Variants in LRRK2 observed in about 807,000 individuals in gnomAD.
LRRK2 encodes the protein leucine-rich repeat serine/threonine-protein kinase 2.
In LRRK2, 203 loss-of-function variants were observed where a neutral mutation model predicts 302.6. The ratio of observed to expected loss-of-function variants is 0.67; its 90% CI spans 0.60 to 0.75. The LOEUF (loss-of-function observed/expected upper bound fraction) is 0.75. Among genes scored for constraint, LRRK2 ranks in the 30% least tolerant of loss-of-function variants. The probability of loss-of-function intolerance (pLI) is 0.00; values close to 1 mark genes in which losing one functional copy is unlikely to be tolerated. For synonymous variants in LRRK2, 1,066 were observed against 1,031.9 expected (o/e 1.03, Z -0.63); for missense variants, 2,830 against 2,951.0 (o/e 0.96, Z 0.95).
chr12:40,343,770 A>G (rs1946117038), intron 41 of LRRK2, among the ~76,000 whole-genome samples: 3 of 152,206 alleles, frequency 2.0e-5, no homozygotes, highest in South Asian at 2.1e-4. Context: ...TCATTTGGCA[A>G]CAATACATTG....
rs1195615008 is a variant in LRRK2 at position 40,368,826 on chromosome 12, CA to C, written c.*1064del. ...AAAAATATCTGCCACCCTAGGCTTC[CA>C]AATTATACTTAAATTGTTTACATAG... On this transcript the variant is annotated 3_prime_UTR_variant, in exon 51 of 51. Transcript: ENST00000298910. 6.6e-6 allele frequency: 1 copy of C among 151,710 alleles called. No homozygotes were observed. The highest frequency in any genetic ancestry group is 1.5e-5 in the Non-Finnish European group (1 of 67,744). 9.4% of individuals were successfully genotyped at this position (151,710 alleles called of 1,614,324 possible). A position where few individuals can be genotyped will look rare whatever the true frequency, so the allele number is the denominator to read the frequency against.
intron 14 of LRRK2, among the ~76,000 whole-genome samples, chr12:40,273,231 A>C (rs1159369500): frequency 6.6e-6 from 1 of 152,192 alleles, no homozygotes; most frequent in Admixed American, 6.6e-5. Flanking sequence ...CTAACTGAGT[A>C]ATTGTTACTT....
chr12:40,250,367 A>G (rs1212498374), intron 8 of LRRK2, among the ~76,000 whole-genome samples: 3 of 151,900 alleles, frequency 2.0e-5, no homozygotes, highest in African/African-American at 7.3e-5. Flanking sequence ...GCGGGCACCT[A>G]TAATCCCAGC....
intron 11 of LRRK2, 115 bp from the exon 12 acceptor site, chr12:40,257,133 T>A (rs560536519): frequency 1.4e-6 from 1 of 725,580 alleles, no homozygotes; most frequent in Non-Finnish European, 2.3e-6. Context: ...ATAAATTATG[T>A]GTGCTCTTGT....
rs1941547579 is a variant in LRRK2, at chr12:40,237,994, T to C, written c.462T>C (p.Asp154=). 2 of 1,612,662 alleles carry C rather than the reference T, an allele frequency of 1.2e-6. No homozygotes were observed. Among genetic ancestry groups the C allele is most frequent in the Non-Finnish European group, 1.7e-6 (2 of 1,179,008 alleles). ...GTAAAATCACCTTGCTGATATTGGA[T>C]GAAGAAAGTGATATTTTCATGTTAA... ...TSGKITLLIL[D]EESDIFMLIF... The change falls in exon 5 of 51, where the codon GAT becomes GAC. Residue 154 remains aspartate, a synonymous_variant. Transcript: ENST00000298910.
intron 20 of LRRK2, among the ~76,000 whole-genome samples, chr12:40,288,090 G>A (rs1161617179): frequency 4.6e-5 from 7 of 151,794 alleles, no homozygotes; most frequent in African/African-American, 9.7e-5. Context: ...TTTAGCATTA[G>A]CAGTTTGGTA....
chr12:40,257,592 G>A lies in LRRK2; in HGVS notation c.1418+215G>A, dbSNP rs188528279. On this transcript the variant is annotated intron_variant, in intron 12 of 50. Coordinates refer to ENST00000298910, the MANE Select transcript of LRRK2 (RefSeq NM_198578.4). ...GGCAAGATTGTGGAAACATGTTGAAGGTTTGCTTTTGAACCTGATGCTTGA... is the reference window on the plus strand; with the variant it reads ...GGCAAGATTGTGGAAACATGTTGAAAGTTTGCTTTTGAACCTGATGCTTGA... Among the ~76,000 whole-genome samples the A allele has an allele frequency of 4.7e-4, 72 of 152,270 alleles. 2 individuals carry two copies. The highest frequency in any genetic ancestry group is 4.6e-3 in the Admixed American group (70 of 15,278).
Position 40,354,451 on chromosome 12 carries a change from T to G in LRRK2, c.6729T>G (p.Asp2243Glu). 6.2e-7 allele frequency: 1 copy of G among 1,614,166 alleles called. No homozygotes were observed. The highest frequency in any genetic ancestry group is 8.5e-7 in the Non-Finnish European group (1 of 1,180,008). Reference protein sequence around the residue: ...KKRHTLEKMTDSVTCLYCNSF... With the variant: ...KKRHTLEKMTESVTCLYCNSF... ...GACATACCCTAGAAAAGATGACTGA[T>G]TCTGTCACTTGTTTGTATTGCAATT... Residue 2243 changes from aspartate to glutamate, a missense_variant, in exon 45 of 51, where the codon GAT becomes GAG. Physicochemically the swap from Asp to Glu is conservative, Grantham distance 45. Around this residue, in one of 3 missense-constraint regions of LRRK2, gnomAD observed 456 missense variants for 456.3 expected, o/e 1.00. Transcript: ENST00000298910.
At chr12:40,300,680 C>A in intron 25 of LRRK2, 1 of 411,082 alleles carries the variant, frequency 2.4e-6, no homozygotes, top group Non-Finnish European at 5.0e-6. Flanking sequence ...TGTTGACTCA[C>A]TCACTAGTAA....
intron 43 of LRRK2, 45 bp downstream of exon 43, chr12:40,348,554 CATATATGCATATAT>C: frequency 9.1e-7 from 1 of 1,097,258 alleles, no homozygotes; most frequent in Non-Finnish European, 1.4e-6. Flanking sequence ...ACATCATTTG[CATATATGCATATAT>C]ATATAATCTT....
intron 20 of LRRK2, among the ~76,000 whole-genome samples, chr12:40,289,571 A>G: frequency 6.7e-6 from 1 of 149,404 alleles, no homozygotes; most frequent in South Asian, 2.1e-4. Flanking sequence ...GATTATATCT[A>G]TAAATTAATT....
chr12:40,257,973 A>T (rs1433873746), intron 12 of LRRK2, among the ~76,000 whole-genome samples: 4 of 152,062 alleles, frequency 2.6e-5, no homozygotes, highest in Non-Finnish European at 2.9e-5. Context: ...CAGAACTCTC[A>T]TGTGTAAAAA....
chr12:40,314,218 C>T (rs2136849432), intron 32 of LRRK2, 45 bp downstream of exon 32: 4 of 1,549,306 alleles, frequency 2.6e-6, no homozygotes, highest in Non-Finnish European at 2.7e-6. Context: ...GCTGTAGTAA[C>T]TTATAAAAGT....
intron 18 of LRRK2, among the ~76,000 whole-genome samples, chr12:40,282,153 T>C (rs1565709608): frequency 1.5e-5 from 2 of 129,376 alleles, no homozygotes; most frequent in East Asian, 2.8e-4. Context: ...CCTTCTCCTT[T>C]CTCTTCCCCT....
intron 6 of LRRK2, 61 bp downstream of exon 6, chr12:40,240,678 C>A: frequency 6.9e-7 from 1 of 1,447,970 alleles, no homozygotes; most frequent in Non-Finnish European, 9.6e-7. Context: ...ATATCTCATT[C>A]TGAGTATATT....
chr12:40,249,444 G>A lies in LRRK2; in HGVS notation c.839-382G>A, dbSNP rs562198611. ...TTTCAGTAAAATGATTTAATATTGG[G>A]TCTTCCAAAAGATGGATTTAAGAGT... is the stretch of plus-strand genomic sequence containing the variant. On this transcript the variant is annotated intron_variant, in intron 7 of 50. Coordinates refer to ENST00000298910, the MANE Select transcript of LRRK2 (RefSeq NM_198578.4). Among the ~76,000 whole-genome samples the A allele has an allele frequency of 1.5e-4, 23 of 151,834 alleles. No individual in the cohort carries two copies. The South Asian group carries it at 2.3e-3, about 15-fold the overall frequency.
intron 35 of LRRK2, 47 bp from the exon 36 acceptor site, chr12:40,321,988 C>G (rs1412140462): frequency 3.1e-6 from 5 of 1,600,356 alleles, no homozygotes; most frequent in Non-Finnish European, 4.3e-6. Context: ...TAGATTTTTT[C>G]CCTTTAACTT....
chr12:40,255,491 C>G (rs1207000214), intron 11 of LRRK2, among the ~76,000 whole-genome samples: 2 of 152,130 alleles, frequency 1.3e-5, no homozygotes, highest in Admixed American at 1.3e-4. Context: ...GAAATTTCTT[C>G]TTCTAGGTTT....
rs1279023423 is a variant in LRRK2 at position 40,284,078 on chromosome 12, T to C, written c.2445T>C (p.Pro815=). 3 of 1,613,088 alleles carry C rather than the reference T, an allele frequency of 1.9e-6. No homozygotes were observed. The African/African-American group carries it at 4.0e-5, about 22-fold the overall frequency. The part of the protein sequence containing the change: ...LGGFCIGKVE[P]SWLGPLFPDK... ...GATTTTGTATAGGAAAAGTTGAACC[T>C]TCTTGGCTTGGTCCTTTATTTCCAG... Residue 815 remains proline (P), a synonymous_variant, in exon 19 of 51, where the codon CCT becomes CCC. Coordinates refer to ENST00000298910, the MANE Select transcript of LRRK2 (RefSeq NM_198578.4).
Sources: allele counts gnomAD v4.1 joint callset (sites outside exome capture counted in the v4.1 genomes callset), GRCh38; gene constraint gnomAD v4.1.1; regional missense constraint gnomAD v4.1.1; transcripts MANE v1.5; gene names NCBI Gene and HGNC (gene_info 2026-07-23, HGNC 2026-07-21).